MRTFA: variants seen among roughly 807,000 people sequenced by gnomAD.
The protein encoded by MRTFA is myocardin-related transcription factor A.
In MRTFA, 20 loss-of-function variants were observed where a neutral mutation model predicts 83.5. The ratio of observed to expected loss-of-function variants is 0.24; its 90% CI spans 0.17 to 0.35. MRTFA has a LOEUF of 0.35. Ranked by LOEUF, MRTFA falls within the 10% of genes least tolerant of loss-of-function variation. MRTFA has a pLI of 1.00. For synonymous variants in MRTFA, 659 were observed against 541.2 expected (o/e 1.22, Z -3.02); for missense variants, 1,200 against 1,224.7 (o/e 0.98, Z 0.30).
chr22:40,447,184 C>G (rs902363920), intron 4 of MRTFA, among the ~76,000 whole-genome samples: 1 of 151,554 alleles, frequency 6.6e-6, no homozygotes, highest in Non-Finnish European at 1.5e-5. Context: ...AGTGAAACTC[C>G]GTCTCTATGA....
chr22:40,417,530 G>A (rs763357648), intron 12 of MRTFA, 37 bp from the exon 13 acceptor site: 2 of 1,321,706 alleles, frequency 1.5e-6, no homozygotes, highest in Admixed American at 2.3e-5. Flanking sequence ...AGTGGCCAGG[G>A]GGCTGGGGGT....
intron 2 of MRTFA, among the ~76,000 whole-genome samples, chr22:40,580,338 A>G (rs2055929483): frequency 6.6e-6 from 1 of 151,920 alleles, no homozygotes; most frequent in African/African-American, 2.4e-5. Flanking sequence ...AGCTGGGACT[A>G]CAGGCGTGCA....
Position 40,418,662 on chromosome 22 carries a change from G to T in MRTFA, c.2076C>A (p.Gly692=), listed in dbSNP as rs538333988. 6.9e-7 allele frequency: 1 copy of T among 1,452,188 alleles called. No individual in the cohort carries two copies. The highest frequency in any genetic ancestry group is 9.1e-7 in the Non-Finnish European group (1 of 1,100,872). 90.0% of individuals were successfully genotyped at this position (1,452,188 alleles called of 1,614,324 possible). A position where few individuals can be genotyped will look rare whatever the true frequency, so the allele number is the denominator to read the frequency against. The change falls in exon 12 of 15, where the codon GGC becomes GGA. Residue 692 remains glycine, a synonymous_variant. Coordinates refer to ENST00000355630, the MANE Select transcript of MRTFA (RefSeq NM_020831.6). ...GGCTGGGGTTGAATGGGTGAGCGGG[G>T]CCCAGGGGCTGCTGGCTCAGCTGGC...
At chr22:40,527,157 CAAAT>C (rs985548387) in intron 3 of MRTFA, among the ~76,000 whole-genome samples, 24 of 150,606 alleles carry the variant, frequency 1.6e-4, no homozygotes, top group Middle Eastern at 3.4e-3. Context: ...CACACACACA[CAAAT>C]ACTTTTAAAT....
Position 40,477,175 on chromosome 22 carries a change from CAAA to C in MRTFA, c.242-13892_242-13890del, listed in dbSNP as rs55932110. On this transcript the variant is annotated intron_variant, in intron 3 of 14. Transcript: ENST00000355630. ...TGAAACCCTGTCTCTACTAAAAATA[CAAA>C]AAAAAAAAAAAAAAAAAAAAAAATA... is the stretch of plus-strand genomic sequence containing the variant. Among the ~76,000 whole-genome samples, 333 of 59,612 alleles carry C rather than the reference CAAA, an allele frequency of 5.6e-3. 1 individual carries two copies. The highest frequency in any genetic ancestry group is 0.011 in the Middle Eastern group (1 of 88). 39.1% of individuals were successfully genotyped at this position (59,612 alleles called of 152,430 possible).
intron 1 of MRTFA, among the ~76,000 whole-genome samples, chr22:40,609,830 C>CA (rs1318295767): frequency 6.6e-6 from 1 of 150,718 alleles, no homozygotes; most frequent in Non-Finnish European, 1.5e-5. Flanking sequence ...GACTCTACCT[C>CA]AAAAAAAAGT....
chr22:40,630,149 T>C (rs1009165914), intron 1 of MRTFA, among the ~76,000 whole-genome samples: 8 of 151,690 alleles, frequency 5.3e-5, no homozygotes, highest in Non-Finnish European at 1.0e-4. Context: ...ACCCTGCCTC[T>C]ACTAAAAAAT....
chr22:40,462,677 C>G (rs968052360), intron 4 of MRTFA, among the ~76,000 whole-genome samples: 1 of 152,212 alleles, frequency 6.6e-6, no homozygotes, highest in Non-Finnish European at 1.5e-5. Flanking sequence ...GACTTCTGCA[C>G]CCACTGAGCC....
chr22:40,627,500 T>C (rs568761006), intron 1 of MRTFA, among the ~76,000 whole-genome samples: 2 of 152,212 alleles, frequency 1.3e-5, no homozygotes, highest in Non-Finnish European at 2.9e-5. Flanking sequence ...CAGATACATA[T>C]AATGAATACC....
chr22:40,471,945 C>T (rs567020063), intron 3 of MRTFA, among the ~76,000 whole-genome samples: 7 of 152,138 alleles, frequency 4.6e-5, no homozygotes, highest in Non-Finnish European at 4.4e-5. Flanking sequence ...GAAAACACTT[C>T]CCCAACTCAT....
intron 9 of MRTFA, among the ~76,000 whole-genome samples, chr22:40,421,773 G>A (rs573503598): frequency 2.6e-5 from 4 of 152,326 alleles, no homozygotes; most frequent in South Asian, 2.1e-4. Flanking sequence ...GCAGTTGGAC[G>A]AGGTGAGTTA....
At chr22:40,623,455 A>G (rs1342078178) in intron 1 of MRTFA, among the ~76,000 whole-genome samples, 1 of 151,690 alleles carries the variant, frequency 6.6e-6, no homozygotes, top group African/African-American at 2.4e-5. Context: ...ATATCTCCCA[A>G]TGCTATCCCT....
chr22:40,422,095 C>T (rs2052852219), intron 9 of MRTFA, among the ~76,000 whole-genome samples: 3 of 152,092 alleles, frequency 2.0e-5, no homozygotes, highest in Admixed American at 6.5e-5. Context: ...CACAGAGAGC[C>T]TGTGAGCACA....
intron 2 of MRTFA, among the ~76,000 whole-genome samples, chr22:40,574,798 C>A (rs2055845734): frequency 6.6e-6 from 1 of 152,098 alleles, no homozygotes; most frequent in South Asian, 2.1e-4. Context: ...AAATTATATG[C>A]AAATACTACA....
chr22:40,476,830 G>A (rs1897153974), intron 3 of MRTFA, among the ~76,000 whole-genome samples: 1 of 152,098 alleles, frequency 6.6e-6, no homozygotes, highest in South Asian at 2.1e-4. Context: ...GGTAAGCACA[G>A]TGTACACTGT....
intron 3 of MRTFA, among the ~76,000 whole-genome samples, chr22:40,529,369 T>G (rs1483984800): frequency 6.6e-6 from 1 of 152,160 alleles, no homozygotes; most frequent in Non-Finnish European, 1.5e-5. Context: ...CTGGCTGGAG[T>G]GCAGTGGTGC....
chr22:40,467,655 T>C (rs1468644672), intron 3 of MRTFA, among the ~76,000 whole-genome samples: 1 of 151,954 alleles, frequency 6.6e-6, no homozygotes, highest in South Asian at 2.1e-4. Flanking sequence ...GAGAAATATC[T>C]GAAACAAATG....
chr22:40,588,374 A>G (rs1435366330), intron 2 of MRTFA, among the ~76,000 whole-genome samples: 1 of 152,132 alleles, frequency 6.6e-6, no homozygotes, highest in Non-Finnish European at 1.5e-5. Context: ...CTGATTTACC[A>G]AAGTATTTAG....
At chr22:40,438,822 A>T (rs535507018) in intron 4 of MRTFA, among the ~76,000 whole-genome samples, 1 of 152,260 alleles carries the variant, frequency 6.6e-6, no homozygotes, top group East Asian at 1.9e-4. Flanking sequence ...GCAGTTTCAG[A>T]TATCCACTAG....
Sources: gnomAD v4.1 joint callset for allele counts (sites outside exome capture counted in the v4.1 genomes callset) on GRCh38, gnomAD v4.1.1 for gene constraint, MANE v1.5 for transcripts, NCBI Gene and HGNC (gene_info 2026-07-23, HGNC 2026-07-21) for gene names.